LRP1: variants seen among roughly 807,000 people sequenced by gnomAD.
LRP1 encodes prolow-density lipoprotein receptor-related protein 1.
Under a neutral mutation model 541.5 loss-of-function variants are expected in LRP1, and 51 were observed. The observed-to-expected ratio is 0.09, with a 90% CI of 0.08 to 0.12. The LOEUF is 0.12. Ranked by LOEUF, LRP1 falls within the 10% of genes least tolerant of loss-of-function variation. LRP1 has a pLI of 1.00. For missense variants in LRP1, 3,878 were observed against 6,376.2 expected (o/e 0.61, Z 13.34); for synonymous variants, 2,219 against 2,470.8 (o/e 0.90, Z 3.02).
rs2036729449 is a variant in LRP1 at position 57,204,592 on chromosome 12, CTA to C, written c.11072-34_11072-33del. ...CCAGCAACCACCCCCACTCCCAAGA[CTA>C]ATTCTGGCTCTGTGTCCCCCTGGCT... is the stretch of plus-strand genomic sequence containing the variant. On this transcript the variant is annotated intron_variant, in intron 71 of 88. Coordinates refer to ENST00000243077, the MANE Select transcript of LRP1 (RefSeq NM_002332.3). This position sits in a 1 kb window ranked among gnomAD's most constrained non-coding sequence, Gnocchi z 5.3. 7 of 1,612,484 alleles carry C rather than the reference CTA, an allele frequency of 4.3e-6. No homozygotes were observed. The highest frequency in any genetic ancestry group is 5.9e-6 in the Non-Finnish European group (7 of 1,178,964).
chr12:57,193,829 C>T, intron 47 of LRP1, 70 bp from the exon 48 acceptor site: 1 of 1,592,556 alleles, frequency 6.3e-7, no homozygotes, highest in Non-Finnish European at 8.6e-7. Context: ...GCCAGGAGCT[C>T]TGTCCTGCGT....
At position 57,185,191 on chromosome 12, in the gene LRP1, G is replaced by A. The variant is rs150795346; in HGVS notation, c.6449G>A (p.Arg2150Gln). 1.7e-4 allele frequency: 274 copies of A among 1,614,124 alleles called. 1 individual carries two copies. In the African/African-American group the frequency reaches 3.3e-3, roughly 19 times the overall value. ...VQLKDIKVFN[R>Q]DRQKGTNVCA... ...CTTAAAGACATCAAAGTCTTCAACC[G>A]GGACCGGCAGAAAGGTGAGGCTGGG... The change falls in exon 40 of 89, where the codon CGG becomes CAG. Residue 2150 changes from arginine to glutamine, a missense_variant. By Grantham distance (43) the Arg-to-Gln change is conservative. Transcript: ENST00000243077. This position sits in a 1 kb window ranked among gnomAD's most constrained non-coding sequence, Gnocchi z 4.9.
chr12:57,164,545 A>G (rs1008892542), intron 15 of LRP1: 3 of 152,242 alleles, frequency 2.0e-5, no homozygotes, highest in African/African-American at 7.2e-5. Context: ...TGTGCTCAGC[A>G]CTGTCATGGA....
At chr12:57,146,732 A>G (rs1200653924) in intron 6 of LRP1, 1 of 152,316 alleles carries the variant, frequency 6.6e-6, no homozygotes, top group Non-Finnish European at 1.5e-5. Context: ...ACCTGTGATC[A>G]GACATGTGTC....
chr12:57,188,665 G>T (rs1256333340), intron 42 of LRP1, among the ~76,000 whole-genome samples: 1 of 152,208 alleles, frequency 6.6e-6, no homozygotes, highest in Non-Finnish European at 1.5e-5. Flanking sequence ...TGCCCACCAA[G>T]CTCCTTTCTT....
intron 1 of LRP1, among the ~76,000 whole-genome samples, chr12:57,135,959 G>A (rs1043413284): frequency 6.6e-6 from 1 of 152,190 alleles, no homozygotes; most frequent in African/African-American, 2.4e-5. Context: ...CCCCTGGGAG[G>A]AGCAGGGCAT....
intron 48 of LRP1, 80 bp from the exon 49 acceptor site, chr12:57,194,274 G>C: frequency 6.9e-7 from 1 of 1,453,584 alleles, no homozygotes; most frequent in Non-Finnish European, 9.2e-7. Flanking sequence ...ACACATGAAG[G>C]CTCCATAGGG....
chr12:57,209,912 G>A, intron 80 of LRP1, 44 bp downstream of exon 80: 1 of 1,604,942 alleles, frequency 6.2e-7, no homozygotes, highest in South Asian at 1.1e-5. Flanking sequence ...GAGGCCTGTG[G>A]GCATTGAGTC....
Position 57,175,594 on chromosome 12 carries a change from G to T in LRP1, c.3682G>T (p.Ala1228Ser). The stretch of plus-strand genomic sequence containing the variant: ...CACCTGCCAGATCCAGAGCTACTGT[G>T]CCAAGCATCTCAAATGCAGCCAAAA... ...NHTCQIQSYC[A>S]KHLKCSQKCD... Residue 1228 changes from alanine (A) to serine (S), a missense_variant, in exon 23 of 89, where the codon GCC becomes TCC. Coordinates refer to ENST00000243077, the MANE Select transcript of LRP1 (RefSeq NM_002332.3). The T allele has an allele frequency of 1.2e-6, 2 of 1,613,832 alleles. No homozygotes were observed. The highest frequency in any genetic ancestry group is 4.5e-5 in the East Asian group (2 of 44,866).
chr12:57,134,334 A>G (rs569195439), intron 1 of LRP1, among the ~76,000 whole-genome samples: 39 of 151,354 alleles, frequency 2.6e-4, no homozygotes, highest in African/African-American at 8.2e-4. Context: ...TGTCTCCCCT[A>G]TGCCCTTCCC....
intron 55 of LRP1, 91 bp from the exon 56 acceptor site, chr12:57,196,891 G>A (rs1275136717): frequency 2.6e-6 from 3 of 1,161,052 alleles, no homozygotes; most frequent in Non-Finnish European, 3.7e-6. Context: ...GTGAGGCCGG[G>A]TAGAGGGAAT....
At chr12:57,150,353 GGC>G (rs2035504270) in intron 6 of LRP1, among the ~76,000 whole-genome samples, 2 of 152,072 alleles carry the variant, frequency 1.3e-5, no homozygotes, top group South Asian at 4.2e-4. Context: ...CACCACGCCT[GGC>G]TAATTTTTTG....
In LRP1 at chr12:57,196,178, C is replaced by T. The variant is rs760703938; in HGVS notation, c.8793C>T (p.Gly2931=). Reference sequence around the variant, plus strand: ...TCTGCAACGGCCAGGATGACTGTGGCGACAGCTCGGACGAGCGTGGCTGCC... The same window carrying T: ...TCTGCAACGGCCAGGATGACTGTGGTGACAGCTCGGACGAGCGTGGCTGCC... ...ALLCNGQDDC[G]DSSDERGCHI... Residue 2931 remains glycine, a synonymous_variant, in exon 55 of 89, where the codon GGC becomes GGT. Transcript: ENST00000243077. 3.1e-6 allele frequency: 5 copies of T among 1,612,710 alleles called. No homozygotes were observed. Among genetic ancestry groups the T allele is most frequent in the Non-Finnish European group, 4.2e-6 (5 of 1,179,560 alleles).
chr12:57,152,170 T>C (rs1449762210), intron 6 of LRP1, among the ~76,000 whole-genome samples: 1 of 152,050 alleles, frequency 6.6e-6, no homozygotes, highest in Non-Finnish European at 1.5e-5. Flanking sequence ...GATAGCGGCA[T>C]CAGATCTCTG....
chr12:57,192,924 C>T lies in LRP1; in HGVS notation c.7509C>T (p.Cys2503=). The part of the protein sequence containing the change: ...CLLTHQGHVN[C]SCRGGRILQD... ...TCACTCACCAGGGCCATGTCAACTG[C>T]TCATGCCGAGGGGGCCGAATCCTCC... The change falls in exon 45 of 89, where the codon TGC becomes TGT. Residue 2503 remains cysteine, a synonymous_variant. Transcript: ENST00000243077. 2 of 1,614,026 alleles carry T rather than the reference C, an allele frequency of 1.2e-6. No homozygotes were observed. Among genetic ancestry groups the T allele is most frequent in the Non-Finnish European group, 1.7e-6 (2 of 1,179,994 alleles).
In LRP1 at chr12:57,174,057, C is replaced by G. The variant is rs2136696807; in HGVS notation, c.3547+77C>G. 3 of 1,454,680 alleles carry G rather than the reference C, an allele frequency of 2.1e-6. No individual in the cohort carries two copies. The Middle Eastern group carries it at 6.7e-4, about 326-fold the overall frequency. The allele number at this position is 1,454,680 out of a possible 1,614,324, so 90.1% of individuals were successfully genotyped here. A position where few individuals can be genotyped will look rare whatever the true frequency, so the allele number is the denominator to read the frequency against. On this transcript the variant is annotated intron_variant, in intron 22 of 88. Transcript: ENST00000243077. Reference sequence around the variant, plus strand: ...GGGCCAAGGACAGTCTTTGGGGGACCTGAGTCTAGGAGAGAGCAGCTCTGG... The same window carrying G: ...GGGCCAAGGACAGTCTTTGGGGGACGTGAGTCTAGGAGAGAGCAGCTCTGG...
intron 34 of LRP1, 26 bp downstream of exon 34, chr12:57,181,317 C>T (rs2136706038): frequency 6.3e-7 from 1 of 1,598,202 alleles, no homozygotes. Context: ...TCCTCCCAGC[C>T]TTGTCCCAGC....
At chr12:57,136,045 C>T (rs1363730552) in intron 1 of LRP1, among the ~76,000 whole-genome samples, 1 of 152,214 alleles carries the variant, frequency 6.6e-6, no homozygotes, top group Non-Finnish European at 1.5e-5. Context: ...GAGTCCCATT[C>T]CAGCCCCCCT....
chr12:57,181,377 C>A, intron 34 of LRP1, 86 bp downstream of exon 34: 1 of 1,488,506 alleles, frequency 6.7e-7, no homozygotes, highest in Non-Finnish European at 9.0e-7. Context: ...CCTCTTCTTA[C>A]CTTGGGGACA....
Sources: gnomAD v4.1 joint callset for allele counts (sites outside exome capture counted in the v4.1 genomes callset) on GRCh38, gnomAD v4.1.1 for gene constraint, Gnocchi (gnomAD v3.1) non-coding constraint, MANE v1.5 for transcripts, NCBI Gene and HGNC (gene_info 2026-07-23, HGNC 2026-07-21) for gene names.